TRPM3: variants seen among roughly 807,000 people sequenced by gnomAD.
TRPM3 encodes the protein long transient receptor potential channel 3.
In TRPM3, 77 loss-of-function variants were observed where a neutral mutation model predicts 181.2. That is an observed-to-expected ratio of 0.42 (90% confidence interval 0.35 to 0.51). The LOEUF (loss-of-function observed/expected upper bound fraction) is 0.51. Ranked by LOEUF, TRPM3 falls within the 20% of genes least tolerant of loss-of-function variation. The probability of loss-of-function intolerance (pLI) is 0.01; values close to 1 mark genes in which losing one functional copy is unlikely to be tolerated. For synonymous variants in TRPM3, 745 were observed against 796.4 expected (o/e 0.94, Z 1.09); for missense variants, 1,759 against 2,196.7 (o/e 0.80, Z 3.98).
intron 1 of TRPM3, among the ~76,000 whole-genome samples, chr9:71,027,361 A>G (rs536144817): frequency 1.3e-5 from 2 of 152,336 alleles, no homozygotes; most frequent in South Asian, 4.1e-4. Flanking sequence ...GTCTGCCTAC[A>G]AAGATAAGAA....
chr9:70,857,518 G>A (rs2095417693), intron 3 of TRPM3, among the ~76,000 whole-genome samples: 2 of 152,086 alleles, frequency 1.3e-5, no homozygotes, highest in East Asian at 3.9e-4. Context: ...CTAAATTGAT[G>A]TTTCCTTATC....
chr9:70,552,098 G>A (rs1260369790), intron 24 of TRPM3, among the ~76,000 whole-genome samples: 3 of 152,202 alleles, frequency 2.0e-5, no homozygotes, highest in African/African-American at 7.2e-5. Flanking sequence ...TGGCCTGTTT[G>A]ACACACTTTG....
chr9:70,836,453 C>T (rs1324438815), intron 5 of TRPM3, among the ~76,000 whole-genome samples: 7 of 152,208 alleles, frequency 4.6e-5, no homozygotes, highest in Non-Finnish European at 8.8e-5. Context: ...TTGAAAAGTG[C>T]TGCCTTGTCA....
At chr9:70,598,340 A>G in intron 21 of TRPM3, 79 bp downstream of exon 21, 4 of 1,550,146 alleles carry the variant, frequency 2.6e-6, no homozygotes, top group South Asian at 1.2e-5. Context: ...AGCAGGCCCA[A>G]ATGAATTATT....
intron 1 of TRPM3, among the ~76,000 whole-genome samples, chr9:71,412,865 T>C (rs1381732923): frequency 3.3e-5 from 5 of 152,118 alleles, no homozygotes; most frequent in African/African-American, 9.7e-5. Context: ...CCATCAATGA[T>C]AGACTGGATT....
At chr9:71,265,299 A>C (rs2083312186) in intron 1 of TRPM3, among the ~76,000 whole-genome samples, 1 of 152,212 alleles carries the variant, frequency 6.6e-6, no homozygotes, top group Non-Finnish European at 1.5e-5. Context: ...GACTATCTGA[A>C]TATAAGTTAC....
rs1449582935 is a variant in TRPM3, at chr9:70,695,333, T to C, written c.1273-13755A>G. 2.6e-5 allele frequency among the ~76,000 whole-genome samples: 4 copies of C among 152,334 alleles called. No individual in the cohort carries two copies. In the East Asian group the frequency reaches 7.7e-4, roughly 29 times the overall value. The stretch of plus-strand genomic sequence containing the variant: ...TCTATCTCAGGATTATTGCAAATCT[T>C]TGTGTGGGATCATCTTTTTAAGTCA... On this transcript the variant is annotated intron_variant, in intron 8 of 25. Transcript: ENST00000677713.
chr9:70,863,479 G>C (rs540934754), intron 2 of TRPM3, among the ~76,000 whole-genome samples: 1 of 152,172 alleles, frequency 6.6e-6, no homozygotes, highest in South Asian at 2.1e-4. Flanking sequence ...AAGCACGAAG[G>C]TCTCTGAAGA....
intron 8 of TRPM3, among the ~76,000 whole-genome samples, chr9:70,684,782 T>G (rs879499856): frequency 8.5e-5 from 13 of 152,214 alleles, no homozygotes; most frequent in Admixed American, 2.0e-4. Flanking sequence ...ACACTGAATC[T>G]TATTTGCTAA....
chr9:71,101,835 C>T (rs1261154516), intron 1 of TRPM3, among the ~76,000 whole-genome samples: 4 of 152,054 alleles, frequency 2.6e-5, no homozygotes, highest in African/African-American at 7.2e-5. Context: ...CAGCATTTCC[C>T]CTGTGAGAAA....
At chr9:71,308,314 T>C (rs1179248417) in intron 1 of TRPM3, among the ~76,000 whole-genome samples, 8 of 152,192 alleles carry the variant, frequency 5.3e-5, no homozygotes, top group Admixed American at 5.2e-4. Flanking sequence ...CTTGTCTTTA[T>C]ACATTTTGAA....
intron 1 of TRPM3, among the ~76,000 whole-genome samples, chr9:71,042,194 T>C (rs2058904524): frequency 6.6e-6 from 1 of 152,052 alleles, no homozygotes. Flanking sequence ...ATATTGAAGT[T>C]GTTATTTGAA....
chr9:71,262,612 G>A (rs938369357), intron 1 of TRPM3, among the ~76,000 whole-genome samples: 2 of 152,322 alleles, frequency 1.3e-5, no homozygotes, highest in African/African-American at 4.8e-5. Context: ...CTCAGTGTCT[G>A]CCCAAATGAC....
At chr9:70,991,555 G>GTTTTTTTTTTTTTTTTTTT (rs56157123) in intron 1 of TRPM3, among the ~76,000 whole-genome samples, 1 of 124,536 alleles carries the variant, frequency 8.0e-6, no homozygotes, top group Non-Finnish European at 1.6e-5. Context: ...CTATGTGTCT[G>GTTTTTTTTTTTTTTTTTTT]TTTTTTTTTT....
At chr9:71,235,039 C>A (rs2081280831) in intron 1 of TRPM3, among the ~76,000 whole-genome samples, 1 of 152,200 alleles carries the variant, frequency 6.6e-6, no homozygotes, top group Admixed American at 6.5e-5. Context: ...TGATCTGGGT[C>A]CTGATGACAG....
At chr9:70,879,951 T>C (rs2095954150) in intron 1 of TRPM3, among the ~76,000 whole-genome samples, 1 of 152,112 alleles carries the variant, frequency 6.6e-6, no homozygotes, top group Non-Finnish European at 1.5e-5. Flanking sequence ...TAGAATCTGG[T>C]AGACACACTC....
intron 1 of TRPM3, among the ~76,000 whole-genome samples, chr9:71,155,354 G>A (rs1315524362): frequency 2.0e-5 from 3 of 151,572 alleles, no homozygotes; most frequent in African/African-American, 7.3e-5. Context: ...TTTCACTCTT[G>A]TCACCCAGGC....
chr9:71,260,807 A>G (rs2082998847), intron 1 of TRPM3, among the ~76,000 whole-genome samples: 1 of 152,236 alleles, frequency 6.6e-6, no homozygotes, highest in African/African-American at 2.4e-5. Flanking sequence ...TTCTAAATAT[A>G]CAATCATGCC....
At chr9:71,091,590 G>C (rs188322034) in intron 1 of TRPM3, among the ~76,000 whole-genome samples, 24 of 152,212 alleles carry the variant, frequency 1.6e-4, no homozygotes, top group Admixed American at 3.3e-4. Flanking sequence ...GATCCAGGGA[G>C]AGAAACCCAA....
Sources: gnomAD v4.1 joint callset for allele counts (sites outside exome capture counted in the v4.1 genomes callset) on GRCh38, gnomAD v4.1.1 for gene constraint, MANE v1.5 for transcripts, NCBI Gene and HGNC (gene_info 2026-07-23, HGNC 2026-07-21) for gene names.